The following NBAS variants were observed in gnomAD, a reference collection of about 807,000 sequenced individuals.
The protein encoded by NBAS is NAG/BC035112 fusion.
In NBAS, 219 loss-of-function variants were observed where a neutral mutation model predicts 302.5. The ratio of observed to expected loss-of-function variants is 0.72; its 90% CI spans 0.65 to 0.81. The LOEUF is 0.81. Ranked by LOEUF, NBAS falls within the 30% of genes least tolerant of loss-of-function variation. NBAS has a pLI of 0.00. For synonymous variants in NBAS, 1,118 were observed against 1,021.6 expected (o/e 1.09, Z -1.80); for missense variants, 2,932 against 2,841.6 (o/e 1.03, Z -0.72).
At chr2:15,333,212 G>A (rs943648769) in intron 35 of NBAS, among the ~76,000 whole-genome samples, 2 of 152,108 alleles carry the variant, frequency 1.3e-5, no homozygotes, top group African/African-American at 4.8e-5. Context: ...GAGAACTGGT[G>A]AAAATGATTT....
At chr2:14,905,501 C>G in the NBAS span, among the ~76,000 whole-genome samples, 55 of 152,298 alleles carry the variant, frequency 3.6e-4, 1 homozygote, top group Non-Finnish European at 6.5e-4. Context: ...CAACCCAACT[C>G]TCTCTGGTGC....
the NBAS span, among the ~76,000 whole-genome samples, chr2:14,811,189 C>G: frequency 5.1e-4 from 77 of 152,286 alleles, 1 homozygote; most frequent in African/African-American, 1.7e-3. Flanking sequence ...GGGAGGATCA[C>G]TTGAGGCCAG....
chr2:15,427,672 A>T, intron 22 of NBAS, 39 bp downstream of exon 22: 2 of 1,526,028 alleles, frequency 1.3e-6, no homozygotes, highest in Non-Finnish European at 1.8e-6. Context: ...CACCCATCCC[A>T]CAAAGAAACA....
the NBAS span, among the ~76,000 whole-genome samples, chr2:14,896,179 A>G: frequency 1.3e-5 from 2 of 151,986 alleles, no homozygotes; most frequent in African/African-American, 4.8e-5. Flanking sequence ...TCAGTAGTCC[A>G]CTGGCCCAGT....
chr2:15,042,194 T>C, the NBAS span, among the ~76,000 whole-genome samples: 1 of 152,168 alleles, frequency 6.6e-6, no homozygotes, highest in Non-Finnish European at 1.5e-5. Context: ...CCAGTGGCCT[T>C]TCCCCTCCGT....
the NBAS span, among the ~76,000 whole-genome samples, chr2:15,024,512 T>C: frequency 0.77 from 117,181 of 152,070 alleles, 45,421 homozygotes; most frequent in East Asian, 1. Context: ...TGAATGGTAG[T>C]TCTGTTTTTA....
chr2:15,195,150 T>C (rs1265213249), intron 48 of NBAS, among the ~76,000 whole-genome samples: 1 of 152,182 alleles, frequency 6.6e-6, no homozygotes, highest in Non-Finnish European at 1.5e-5. Flanking sequence ...TGCTATGGTT[T>C]GAATGTCCCT....
At chr2:15,342,833 C>T (rs1672917880) in intron 35 of NBAS, among the ~76,000 whole-genome samples, 1 of 151,816 alleles carries the variant, frequency 6.6e-6, no homozygotes. Flanking sequence ...GTCAATATCC[C>T]TTATTTCCCT....
At chr2:14,795,948 T>A in the NBAS span, among the ~76,000 whole-genome samples, 2 of 152,246 alleles carry the variant, frequency 1.3e-5, no homozygotes, top group Non-Finnish European at 2.9e-5. Flanking sequence ...AGAAGTTTTA[T>A]GATTTCTTTA....
chr2:14,863,475 C>T, the NBAS span, among the ~76,000 whole-genome samples: 8,351 of 152,158 alleles, frequency 0.055, 773 homozygotes, highest in African/African-American at 0.19. Flanking sequence ...AGAAGAATGT[C>T]ATAAGATCAA....
the NBAS span, among the ~76,000 whole-genome samples, chr2:14,807,440 C>CGT: frequency 1.9e-4 from 24 of 128,626 alleles, no homozygotes; most frequent in East Asian, 1.5e-3. Flanking sequence ...TTTCAAATCC[C>CGT]GTGTGTGTGT....
At chr2:15,483,360 G>C (rs765858317) in intron 12 of NBAS, 3 of 436,152 alleles carry the variant, frequency 6.9e-6, no homozygotes. Flanking sequence ...CTTAAGATTA[G>C]TCCAACACCT....
At chr2:15,331,016 A>T (rs948467360) in intron 35 of NBAS, among the ~76,000 whole-genome samples, 1 of 152,234 alleles carries the variant, frequency 6.6e-6, no homozygotes, top group African/African-American at 2.4e-5. Context: ...AGTGTATTAA[A>T]TAATCCCTCA....
intron 28 of NBAS, among the ~76,000 whole-genome samples, chr2:15,385,644 A>T (rs979968580): frequency 2.6e-5 from 4 of 152,190 alleles, no homozygotes; most frequent in Non-Finnish European, 4.4e-5. Flanking sequence ...ATAGTAGTGT[A>T]CTCAAGTTCG....
intron 43 of NBAS, among the ~76,000 whole-genome samples, chr2:15,276,638 C>T (rs1056549399): frequency 2.6e-5 from 4 of 152,120 alleles, no homozygotes; most frequent in African/African-American, 9.7e-5. Context: ...AGTCACTGTG[C>T]GACTTTCAAT....
At chr2:15,466,062 A>C (rs1679709780) in intron 19 of NBAS, among the ~76,000 whole-genome samples, 1 of 152,188 alleles carries the variant, frequency 6.6e-6, no homozygotes, top group Non-Finnish European at 1.5e-5. Context: ...AGTGTTTTGT[A>C]ACTTGTTTGT....
At chr2:15,483,328 C>G (rs985328176) in intron 12 of NBAS, 4 of 429,696 alleles carry the variant, frequency 9.3e-6, no homozygotes, top group African/African-American at 8.3e-5. Context: ...TGCCATCTTC[C>G]CACTTACTCT....
intron 29 of NBAS, 98 bp downstream of exon 29, chr2:15,383,117 C>A: frequency 1.0e-6 from 1 of 995,862 alleles, no homozygotes; most frequent in Non-Finnish European, 1.5e-6. Flanking sequence ...AATAATATTA[C>A]TTCCAGGGTA....
rs754568516 is a variant in NBAS at position 15,488,994 on chromosome 2, G to C, written c.983C>G (p.Pro328Arg). 4 of 1,613,624 alleles carry C rather than the reference G, an allele frequency of 2.5e-6. No homozygotes were observed. The highest frequency in any genetic ancestry group is 3.4e-6 in the Non-Finnish European group (4 of 1,179,730). The change falls in exon 12 of 52, where the codon CCA (proline) becomes CGA (arginine). Residue 328 changes from proline to arginine, a missense_variant. Coordinates refer to ENST00000281513, the MANE Select transcript of NBAS (RefSeq NM_015909.4). ...QDGIFKMSLS[P>R]DGMLLAAIHF... ...AATGGCTGCCAGGAGCATCCCATCT[G>C]GAGAAAGGCTCATCTTAAAAATTCC...
Sources: gnomAD v4.1 joint callset for allele counts (sites outside exome capture counted in the v4.1 genomes callset) on GRCh38, gnomAD v4.1.1 for gene constraint, MANE v1.5 for transcripts, NCBI Gene and HGNC (gene_info 2026-07-23, HGNC 2026-07-21) for gene names.